MAP2K1: variants seen among roughly 807,000 people sequenced by gnomAD.
The protein encoded by MAP2K1 is dual specificity mitogen-activated protein kinase kinase 1.
MAP2K1 carries 16 observed loss-of-function variants against 46.3 expected under a neutral mutation model. The observed-to-expected ratio is 0.35, with a 90% CI of 0.23 to 0.52. The LOEUF (loss-of-function observed/expected upper bound fraction) is 0.52. Ranked by LOEUF, MAP2K1 falls within the 20% of genes least tolerant of loss-of-function variation. The probability of loss-of-function intolerance (pLI) is 0.94; values close to 1 mark genes in which losing one functional copy is unlikely to be tolerated. For synonymous variants in MAP2K1, 183 were observed against 185.6 expected, an observed-to-expected ratio of 0.99 and a Z score of 0.11; for missense variants, 263 against 497.1, an observed-to-expected ratio of 0.53 and a Z score of 4.48.
At chr15:66,477,814 C>T (rs928549225) in intron 5 of MAP2K1, among the ~76,000 whole-genome samples, 32 of 152,130 alleles carry the variant, frequency 2.1e-4, no homozygotes, top group African/African-American at 7.7e-4. Flanking sequence ...TGTTGGAGCC[C>T]CTTGGTGTGC....
At chr15:66,487,198 A>G in intron 7 of MAP2K1, 30 bp from the exon 8 acceptor site, 1 of 1,593,520 alleles carries the variant, frequency 6.3e-7, no homozygotes, top group Non-Finnish European at 8.6e-7. Flanking sequence ...TGTTTCTGAG[A>G]AGTATTTTTT....
intron 2 of MAP2K1, among the ~76,000 whole-genome samples, 172 bp from the exon 3 acceptor site, chr15:66,436,574 G>A (rs1375107393): frequency 1.3e-5 from 2 of 152,222 alleles, no homozygotes; most frequent in African/African-American, 4.8e-5. Flanking sequence ...GCCAATGCCT[G>A]CCTTAGTACA....
chr15:66,488,575 G>C, intron 8 of MAP2K1: 1 of 175,784 alleles, frequency 5.7e-6, no homozygotes, highest in Non-Finnish European at 1.2e-5. Flanking sequence ...GTACTGTATA[G>C]TGCTGCATGA....
At chr15:66,421,754 G>GT (rs1278826781) in intron 1 of MAP2K1, among the ~76,000 whole-genome samples, 1 of 150,292 alleles carries the variant, frequency 6.7e-6, no homozygotes, top group Non-Finnish European at 1.5e-5. Flanking sequence ...AGCTGAGATC[G>GT]TATCACTGCA....
chr15:66,458,792 C>A (rs1355373519), intron 5 of MAP2K1, among the ~76,000 whole-genome samples: 1 of 152,176 alleles, frequency 6.6e-6, no homozygotes, highest in Non-Finnish European at 1.5e-5. Context: ...AAGTGTGGGA[C>A]TACTGGTGTG....
At chr15:66,455,621 G>A (rs991360637) in intron 5 of MAP2K1, among the ~76,000 whole-genome samples, 2 of 152,192 alleles carry the variant, frequency 1.3e-5, no homozygotes, top group Admixed American at 6.5e-5. Context: ...GGGTGAGTAT[G>A]TCCTGGTCCT....
intron 1 of MAP2K1, among the ~76,000 whole-genome samples, chr15:66,408,933 T>G (rs532268436): frequency 1.5e-4 from 23 of 152,250 alleles, no homozygotes; most frequent in African/African-American, 3.4e-4. Context: ...CTTATGTAAT[T>G]GTCTAGTCAG....
chr15:66,478,439 CAGGTATATATATAT>C (rs1892824755), intron 5 of MAP2K1, among the ~76,000 whole-genome samples: 1 of 128,672 alleles, frequency 7.8e-6, no homozygotes, highest in South Asian at 2.3e-4. Context: ...TATATACACA[CAGGTATATATATAT>C]ACAGGTATAT....
intron 1 of MAP2K1, among the ~76,000 whole-genome samples, chr15:66,420,957 A>G: frequency 3.5e-5 from 1 of 28,208 alleles, no homozygotes; most frequent in Non-Finnish European, 2.0e-4. Context: ...ACATACACAT[A>G]CATATATACA....
chr15:66,457,018 A>G (rs1022257466), intron 5 of MAP2K1, among the ~76,000 whole-genome samples: 2 of 152,252 alleles, frequency 1.3e-5, no homozygotes, highest in African/African-American at 4.8e-5. Context: ...AAACTGGTCC[A>G]TGGGCTAAAT....
intron 1 of MAP2K1, among the ~76,000 whole-genome samples, chr15:66,414,728 A>G (rs1216663194): frequency 6.6e-6 from 1 of 151,222 alleles, no homozygotes; most frequent in African/African-American, 2.4e-5. Flanking sequence ...CAGAGCCCCA[A>G]CCTTGTAATC....
At chr15:66,478,392 A>ACG (rs1892817156) in intron 5 of MAP2K1, among the ~76,000 whole-genome samples, 6 of 127,176 alleles carry the variant, frequency 4.7e-5, no homozygotes, top group Non-Finnish European at 7.2e-5. Flanking sequence ...ATACACAGAT[A>ACG]TGTGTGTGTA....
intron 1 of MAP2K1, among the ~76,000 whole-genome samples, chr15:66,396,099 C>G (rs1233363419): frequency 6.6e-6 from 1 of 151,304 alleles, no homozygotes; most frequent in Non-Finnish European, 1.5e-5. Flanking sequence ...CTATGCCTCC[C>G]GGGTTCAAGC....
At chr15:66,409,108 C>T (rs2093405224) in intron 1 of MAP2K1, among the ~76,000 whole-genome samples, 1 of 152,130 alleles carries the variant, frequency 6.6e-6, no homozygotes, top group South Asian at 2.1e-4. Flanking sequence ...GTATGCTCTT[C>T]ATTGTTCATA....
chr15:66,415,569 C>G (rs1257424691), intron 1 of MAP2K1, among the ~76,000 whole-genome samples: 2 of 152,166 alleles, frequency 1.3e-5, no homozygotes, highest in Non-Finnish European at 2.9e-5. Flanking sequence ...TCTGTCCCAG[C>G]TCTTTATTGC....
At chr15:66,394,040 T>G (rs2093362333) in intron 1 of MAP2K1, among the ~76,000 whole-genome samples, 1 of 152,224 alleles carries the variant, frequency 6.6e-6, no homozygotes, top group Non-Finnish European at 1.5e-5. Flanking sequence ...TGGTTGGGGC[T>G]TTGCCTTGTT....
rs200428451 is a variant in MAP2K1 at position 66,420,881 on chromosome 15, ATGTG to A, written c.81-14144_81-14141del. Among the ~76,000 whole-genome samples, 92 of 122,188 alleles carry A rather than the reference ATGTG, an allele frequency of 7.5e-4. 19 individuals are homozygous for A. Among genetic ancestry groups the A allele is most frequent in the Middle Eastern group, 4.7e-3 (1 of 212 alleles). 80.2% of individuals were successfully genotyped at this position (122,188 alleles called of 152,430 possible). Reference sequence around the variant, plus strand: ...TGTGTATATATATGTGTGTATATATATGTGTATATATACACATACATACATACAC... The same window carrying A: ...TGTGTATATATATGTGTGTATATATATATATATACACATACATACATACAC... On this transcript the variant is annotated intron_variant, in intron 1 of 10. Transcript: ENST00000307102.
At chr15:66,472,008 C>A (rs929548693) in intron 5 of MAP2K1, among the ~76,000 whole-genome samples, 5 of 131,466 alleles carry the variant, frequency 3.8e-5, no homozygotes, top group African/African-American at 9.0e-5. Context: ...ACCGGGGAGG[C>A]GGAGGTTGCA....
Position 66,443,260 on chromosome 15 carries a change from T to C in MAP2K1, c.439-20T>C. The C allele has an allele frequency of 6.7e-7, 1 of 1,481,874 alleles. No individual in the cohort carries two copies. Among genetic ancestry groups the C allele is most frequent in the Non-Finnish European group, 9.4e-7 (1 of 1,059,484 alleles). 91.8% of individuals were successfully genotyped at this position (1,481,874 alleles called of 1,614,324 possible). A position where few individuals can be genotyped will look rare whatever the true frequency, so the allele number is the denominator to read the frequency against. Reference sequence around the variant, plus strand: ...TAGTTAGAACATTGTCACTAACTGGTCTGGTATTCTCGATCTTAGGATGGA... The same window carrying C: ...TAGTTAGAACATTGTCACTAACTGGCCTGGTATTCTCGATCTTAGGATGGA... On this transcript the variant is annotated intron_variant, in intron 3 of 10. Coordinates refer to ENST00000307102, the MANE Select transcript of MAP2K1 (RefSeq NM_002755.4).
Sources: gnomAD v4.1 joint callset for allele counts (sites outside exome capture counted in the v4.1 genomes callset) on GRCh38, gnomAD v4.1.1 for gene constraint, MANE v1.5 for transcripts, NCBI Gene and HGNC (gene_info 2026-07-23, HGNC 2026-07-21) for gene names.